The following CLEC12A variants were observed in gnomAD, a reference collection of about 807,000 sequenced individuals.
CLEC12A encodes C-type lectin domain family 12 member A, also known as C-type lectin protein CLL-1.
A neutral mutation model predicts 26.5 loss-of-function variants in CLEC12A; 22 were observed. That is an observed-to-expected ratio of 0.83 (90% CI 0.59 to 1.19). The LOEUF (loss-of-function observed/expected upper bound fraction) is 1.19. Among genes scored for constraint, CLEC12A ranks in the 50% most tolerant of loss-of-function variants. The pLI, the probability that CLEC12A is intolerant of heterozygous loss-of-function variation, is 0.00. For synonymous variants in CLEC12A, 119 were observed against 101.9 expected, an observed-to-expected ratio of 1.17 and a Z score of -1.01; for missense variants, 353 against 315.6, an observed-to-expected ratio of 1.12 and a Z score of -0.90.
At chr12:9,979,577 A>G in intron 3 of CLEC12A, 53 bp downstream of exon 3, 2 of 1,335,598 alleles carry the variant, frequency 1.5e-6, no homozygotes, top group Admixed American at 2.2e-5. Flanking sequence ...TAAACCACTG[A>G]GTCTCTTAAG....
intron 1 of CLEC12A, among the ~76,000 whole-genome samples, chr12:9,962,499 T>G (rs1248041583): frequency 6.6e-6 from 1 of 152,142 alleles, no homozygotes; most frequent in East Asian, 1.9e-4. Context: ...GGCTGTTTAT[T>G]TCACCTGGGT....
chr12:9,980,878 A>C, intron 4 of CLEC12A, 145 bp downstream of exon 4: 3 of 789,972 alleles, frequency 3.8e-6, no homozygotes, highest in Non-Finnish European at 5.9e-6. Flanking sequence ...TCAAGATATC[A>C]TAGGCAAGGT....
chr12:9,975,045 C>G (rs1313768010), intron 1 of CLEC12A, among the ~76,000 whole-genome samples: 1 of 152,162 alleles, frequency 6.6e-6, no homozygotes, highest in Non-Finnish European at 1.5e-5. Context: ...TGAGATGTGC[C>G]TTTCACCTTC....
At chr12:9,999,674 T>C (rs997933052), downstream of CLEC12A, among the ~76,000 whole-genome samples, 20 of 152,130 alleles carry the variant, frequency 1.3e-4, no homozygotes, top group African/African-American at 4.6e-4. Context: ...TATTTCATAC[T>C]TTTTTTTATT....
intron 4 of CLEC12A, chr12:9,991,170 T>C (rs1469092480): frequency 2.6e-5 from 4 of 152,150 alleles, no homozygotes; most frequent in Non-Finnish European, 2.9e-5. Flanking sequence ...TAGTTTTAAA[T>C]TGAAGAAGAC....
upstream of CLEC12A, chr12:9,971,280 C>A (rs1411946988): frequency 7.5e-6 from 3 of 402,030 alleles, no homozygotes; most frequent in Non-Finnish European, 1.0e-5. Context: ...TATCCAAACA[C>A]AATTTCAAAA....
intron 1 of CLEC12A, among the ~76,000 whole-genome samples, chr12:9,972,127 T>C (rs1289816091): frequency 5.9e-5 from 9 of 151,966 alleles, no homozygotes; most frequent in African/African-American, 2.2e-4. Context: ...CATTTGACTA[T>C]CTACCAAACT....
chr12:9,997,793 C>CTTCA (rs534266582), downstream of CLEC12A, among the ~76,000 whole-genome samples: 134 of 152,244 alleles, frequency 8.8e-4, no homozygotes, highest in African/African-American at 3.2e-3. Flanking sequence ...ACTACACAGA[C>CTTCA]TTCAATGTGC....
intron 1 of CLEC12A, among the ~76,000 whole-genome samples, chr12:9,976,517 C>A (rs566101954): frequency 6.6e-6 from 1 of 152,216 alleles, no homozygotes; most frequent in Non-Finnish European, 1.5e-5. Flanking sequence ...TATCCAATGC[C>A]TGTACTCTCA....
intron 1 of CLEC12A, among the ~76,000 whole-genome samples, chr12:9,966,025 T>C (rs1313627342): frequency 6.6e-6 from 1 of 152,058 alleles, no homozygotes; most frequent in Non-Finnish European, 1.5e-5. Context: ...GCAGATAATT[T>C]AGTTAAAGTG....
At chr12:9,981,964 G>A (rs948137898) in intron 4 of CLEC12A, 56 bp from the exon 5 acceptor site, 11 of 862,284 alleles carry the variant, frequency 1.3e-5, no homozygotes, top group Non-Finnish European at 1.9e-5. Flanking sequence ...ACATTATAAT[G>A]TAAAATACAA....
chr12:9,982,230 T>C (rs1462140451), intron 5 of CLEC12A, 101 bp downstream of exon 5: 3 of 659,528 alleles, frequency 4.5e-6, no homozygotes, highest in Non-Finnish European at 8.0e-6. Flanking sequence ...TCAATTGAAA[T>C]TGCATGCTAA....
intron 1 of CLEC12A, among the ~76,000 whole-genome samples, chr12:9,977,158 C>T (rs559976834): frequency 5.3e-4 from 81 of 152,292 alleles, no homozygotes; most frequent in Non-Finnish European, 9.7e-4. Flanking sequence ...TACCAACTTT[C>T]TCTAAAGAAA....
intron 1 of CLEC12A, among the ~76,000 whole-genome samples, chr12:9,957,096 G>T (rs1266120103): frequency 6.6e-6 from 1 of 152,206 alleles, no homozygotes; most frequent in Non-Finnish European, 1.5e-5. Context: ...GTAGGGATAT[G>T]TGCCTGAAAC....
At chr12:9,982,672 T>C (rs1383676512) in intron 5 of CLEC12A, among the ~76,000 whole-genome samples, 1 of 152,142 alleles carries the variant, frequency 6.6e-6, no homozygotes, top group Non-Finnish European at 1.5e-5. Flanking sequence ...GGGGGTACGA[T>C]TGCAATTTTG....
chr12:9,975,179 A>T (rs976366698), intron 1 of CLEC12A, among the ~76,000 whole-genome samples: 21 of 152,194 alleles, frequency 1.4e-4, no homozygotes, highest in Admixed American at 3.9e-4. Flanking sequence ...CTAATGCAGT[A>T]AATTGGTACC....
downstream of CLEC12A, chr12:9,999,084 C>T: frequency 6.2e-7 from 1 of 1,610,202 alleles, no homozygotes; most frequent in Non-Finnish European, 8.5e-7. Flanking sequence ...GGTGATGTAT[C>T]CATCTTCATC....
At chr12:9,987,241 C>T (rs1340487474), downstream of CLEC12A, among the ~76,000 whole-genome samples, 1 of 152,158 alleles carries the variant, frequency 6.6e-6, no homozygotes, top group Non-Finnish European at 1.5e-5. Context: ...GTATTTTCTC[C>T]TAATATCCCC....
In CLEC12A at chr12:9,962,621, G is replaced by C. The variant is rs189408417; in HGVS notation, c.11-8956G>C. 1.3e-4 allele frequency among the ~76,000 whole-genome samples: 20 copies of C among 152,268 alleles called. 1 individual carries two copies. Among genetic ancestry groups the C allele is most frequent in the Admixed American group, 1.2e-3 (18 of 15,300 alleles). The stretch of plus-strand genomic sequence containing the variant: ...TACAGTCAAAGGGGGCTTGTTCTCT[G>C]GCGGACAGGAGTGGGGGCCACAAGG... On this transcript the variant is annotated intron_variant, in intron 1 of 6. Transcript: ENST00000355690.
Sources: gnomAD v4.1 joint callset for allele counts (sites outside exome capture counted in the v4.1 genomes callset) on GRCh38, gnomAD v4.1.1 for gene constraint, MANE v1.5 for transcripts, NCBI Gene and HGNC (gene_info 2026-07-23, HGNC 2026-07-21) for gene names.